The following MBNL1 variants were observed in gnomAD, a reference collection of about 807,000 sequenced individuals.
MBNL1 encodes muscleblind-like protein 1.
In MBNL1, 8 loss-of-function variants were observed where a neutral mutation model predicts 42.2. The observed-to-expected ratio is 0.19, with a 90% confidence interval of 0.11 to 0.34. The LOEUF (loss-of-function observed/expected upper bound fraction) is 0.34, where lower values mean the gene tolerates loss of function less well. Among genes scored for constraint, MBNL1 ranks in the 10% least tolerant of loss-of-function variants. MBNL1 has a pLI of 1.00. For missense variants in MBNL1, 309 were observed against 495.3 expected (o/e 0.62, Z 3.57); for synonymous variants, 169 against 173.9 (o/e 0.97, Z 0.22).
intron 2 of MBNL1, chr3:152,338,595 G>T (rs1173190622): frequency 1.0e-6 from 1 of 985,190 alleles, no homozygotes; most frequent in African/African-American, 1.7e-5. Context: ...TAAGACTCTG[G>T]GAGGAAGAGA....
chr3:152,310,589 A>G (rs2065790971), intron 2 of MBNL1, among the ~76,000 whole-genome samples: 1 of 152,228 alleles, frequency 6.6e-6, no homozygotes. Flanking sequence ...TCAGTTGCCT[A>G]AATTTAAGCA....
chr3:152,285,110 C>G (rs953958965), intron 1 of MBNL1, among the ~76,000 whole-genome samples: 2 of 152,156 alleles, frequency 1.3e-5, no homozygotes, highest in African/African-American at 4.8e-5. Context: ...CTTATCTTCT[C>G]TAGAATCAAT....
chr3:152,321,061 A>G (rs2076202810), intron 2 of MBNL1, among the ~76,000 whole-genome samples: 1 of 152,118 alleles, frequency 6.6e-6, no homozygotes. Flanking sequence ...TTTCTCTCCA[A>G]CAATTATTTT....
chr3:152,325,431 G>T (rs2079160408), intron 2 of MBNL1, among the ~76,000 whole-genome samples: 1 of 152,034 alleles, frequency 6.6e-6, no homozygotes, highest in Admixed American at 6.6e-5. Context: ...TTGAATGTTT[G>T]CTGGTTAAAG....
chr3:152,422,134 G>A (rs1217037931), intron 3 of MBNL1, among the ~76,000 whole-genome samples: 1 of 152,006 alleles, frequency 6.6e-6, no homozygotes, highest in Non-Finnish European at 1.5e-5. Context: ...ACGCAGACTG[G>A]CAAATTGGAT....
chr3:152,252,759 G>GA (rs1559934951), intron 2 of MBNL1, among the ~76,000 whole-genome samples: 1 of 151,922 alleles, frequency 6.6e-6, no homozygotes, highest in East Asian at 1.9e-4. Flanking sequence ...GCATGTTACG[G>GA]AAAAAATAAT....
chr3:152,321,792 T>C (rs1384260205), intron 2 of MBNL1, among the ~76,000 whole-genome samples: 1 of 152,070 alleles, frequency 6.6e-6, no homozygotes, highest in East Asian at 1.9e-4. Context: ...TTGCTTCCTA[T>C]TTGCATTGCA....
chr3:152,307,842 G>T (rs17434350), intron 2 of MBNL1, among the ~76,000 whole-genome samples: 2 of 152,018 alleles, frequency 1.3e-5, no homozygotes, highest in African/African-American at 4.8e-5. Context: ...ATAGTACAGG[G>T]CCTAAAACAG....
chr3:152,425,318 G>T (rs1179789793), intron 3 of MBNL1, among the ~76,000 whole-genome samples: 2 of 152,066 alleles, frequency 1.3e-5, no homozygotes, highest in African/African-American at 2.4e-5. Flanking sequence ...ATCATCGGTG[G>T]TCATTAGAGA....
At chr3:152,443,286 A>G (rs1027571163) in intron 4 of MBNL1, among the ~76,000 whole-genome samples, 2 of 151,402 alleles carry the variant, frequency 1.3e-5, no homozygotes, top group Non-Finnish European at 2.9e-5. Flanking sequence ...AAATTGGAAA[A>G]GTAGAGTATT....
At chr3:152,303,729 CA>C (rs554059646) in intron 2 of MBNL1, among the ~76,000 whole-genome samples, 10 of 149,882 alleles carry the variant, frequency 6.7e-5, no homozygotes, top group African/African-American at 1.7e-4. Context: ...TTTATACCCT[CA>C]AAAAAAAAGC....
intron 2 of MBNL1, among the ~76,000 whole-genome samples, chr3:152,355,870 C>G (rs1474627505): frequency 1.3e-5 from 2 of 152,148 alleles, no homozygotes; most frequent in African/African-American, 4.8e-5. Flanking sequence ...TTGATAGAGT[C>G]AAAATCATAG....
chr3:152,431,935 G>A (rs906727617), intron 3 of MBNL1, among the ~76,000 whole-genome samples: 1 of 152,180 alleles, frequency 6.6e-6, no homozygotes, highest in Non-Finnish European at 1.5e-5. Flanking sequence ...ATCCACGAAA[G>A]CATTTCTGGA....
At chr3:152,254,540 G>A (rs1355147272) in intron 2 of MBNL1, among the ~76,000 whole-genome samples, 2 of 151,840 alleles carry the variant, frequency 1.3e-5, no homozygotes, top group East Asian at 3.9e-4. Context: ...TCACATCTAT[G>A]CTTATTTTCA....
At chr3:152,273,841 G>C (rs1002601565) in intron 1 of MBNL1, among the ~76,000 whole-genome samples, 7 of 152,100 alleles carry the variant, frequency 4.6e-5, no homozygotes, top group African/African-American at 1.4e-4. Flanking sequence ...GTGAATAATA[G>C]TTGATAAAGG....
At chr3:152,361,183 GTTC>G (rs2095911617) in intron 2 of MBNL1, among the ~76,000 whole-genome samples, 1 of 152,062 alleles carries the variant, frequency 6.6e-6, no homozygotes, top group Admixed American at 6.6e-5. Context: ...ACTCTGTGCT[GTTC>G]TATGTTAGGT....
chr3:152,407,577 A>G (rs1446532785), intron 2 of MBNL1, among the ~76,000 whole-genome samples: 2 of 152,180 alleles, frequency 1.3e-5, no homozygotes, highest in Non-Finnish European at 2.9e-5. Flanking sequence ...ACTATGAAAT[A>G]AGTACAAGGG....
At chr3:152,401,364 T>A (rs956740066) in intron 2 of MBNL1, among the ~76,000 whole-genome samples, 8 of 152,304 alleles carry the variant, frequency 5.3e-5, no homozygotes, top group Admixed American at 5.2e-4. Context: ...TAAGTGACAT[T>A]TGAAAAGGGT....
intron 3 of MBNL1, among the ~76,000 whole-genome samples, chr3:152,426,098 A>G (rs1206995666): frequency 6.6e-6 from 1 of 152,048 alleles, no homozygotes; most frequent in African/African-American, 2.4e-5. Context: ...AACAACAGGA[A>G]CAGAAAACCA....
Sources: allele counts gnomAD v4.1 joint callset (sites outside exome capture counted in the v4.1 genomes callset), GRCh38; gene constraint gnomAD v4.1.1; transcripts MANE v1.5; gene names NCBI Gene and HGNC (gene_info 2026-07-23, HGNC 2026-07-21).